Variants in FAM78B observed in about 807,000 individuals in gnomAD.
FAM78B encodes protein FAM78B.
FAM78B carries 10 observed loss-of-function variants against 20.0 expected under a neutral mutation model. That is an observed-to-expected ratio of 0.50 (90% CI 0.31 to 0.85). FAM78B has a LOEUF of 0.85. Ranked by LOEUF, FAM78B falls within the 40% of genes least tolerant of loss-of-function variation. The pLI is 0.05. For missense variants in FAM78B, 283 were observed against 345.0 expected, an observed-to-expected ratio of 0.82 and a Z score of 1.42; for synonymous variants, 135 against 132.8, an observed-to-expected ratio of 1.02 and a Z score of -0.12.
intron 1 of FAM78B, among the ~76,000 whole-genome samples, chr1:166,165,743 C>A (rs1400962729): frequency 6.6e-6 from 1 of 152,188 alleles, no homozygotes; most frequent in Non-Finnish European, 1.5e-5. Flanking sequence ...CCGCACCTTT[C>A]TCCTCGCGTT....
At chr1:166,155,205 T>C (rs1223344086) in intron 1 of FAM78B, among the ~76,000 whole-genome samples, 1 of 152,218 alleles carries the variant, frequency 6.6e-6, no homozygotes, top group Non-Finnish European at 1.5e-5. Context: ...TCAAGCAATA[T>C]CCTGAATACT....
chr1:166,141,677 C>T (rs1018797852), intron 1 of FAM78B, among the ~76,000 whole-genome samples: 9 of 152,142 alleles, frequency 5.9e-5, no homozygotes, highest in Admixed American at 3.9e-4. Context: ...ATGGGAGGTA[C>T]GTATCTATGT....
chr1:166,083,786 G>A (rs1226937623), intron 1 of FAM78B, among the ~76,000 whole-genome samples: 2 of 145,170 alleles, frequency 1.4e-5, no homozygotes, highest in African/African-American at 5.2e-5. Context: ...ACAGGCGTGA[G>A]CCACGCACCC....
At chr1:166,061,819 A>C (rs1046679538) in intron 2 of FAM78B, among the ~76,000 whole-genome samples, 6 of 152,108 alleles carry the variant, frequency 3.9e-5, no homozygotes, top group African/African-American at 1.5e-4. Flanking sequence ...TGACAGACAC[A>C]GCAGGGATAG....
rs1042602929 is a variant in FAM78B at position 166,166,687 on chromosome 1, TGCCTCCGCGGCGGCAGCAGCAGCAGCC to T, written c.-466_-440del. On this transcript the variant is annotated 5_prime_UTR_variant, in exon 1 of 2. Transcript: ENST00000354422. Reference sequence around the variant, plus strand: ...CGGCGGTGGCAGCGCCCGGTCTGTCTGCCTCCGCGGCGGCAGCAGCAGCAGCCGCCGCCGCCGCCGCCGCTGCATGAA... The same window carrying T: ...CGGCGGTGGCAGCGCCCGGTCTGTCTGCCGCCGCCGCCGCCGCTGCATGAA... The T allele has an allele frequency of 1.3e-5, 2 of 148,908 alleles. No individual in the cohort carries two copies. The highest frequency in any genetic ancestry group is 2.1e-4 in the South Asian group (1 of 4,738). 9.2% of individuals were successfully genotyped at this position (148,908 alleles called of 1,614,324 possible).
At chr1:166,125,240 GTC>G (rs762564636) in intron 1 of FAM78B, among the ~76,000 whole-genome samples, 27 of 152,104 alleles carry the variant, frequency 1.8e-4, no homozygotes, top group Non-Finnish European at 3.1e-4. Flanking sequence ...CGCCAGGCAG[GTC>G]TCTGACTCAC....
chr1:166,146,059 TG>T (rs1352275889), intron 1 of FAM78B, among the ~76,000 whole-genome samples: 1 of 152,188 alleles, frequency 6.6e-6, no homozygotes, highest in African/African-American at 2.4e-5. Flanking sequence ...GCAAAAGAAA[TG>T]TGAATGAGAG....
chr1:166,126,895 G>C (rs1393320341), intron 1 of FAM78B, among the ~76,000 whole-genome samples: 1 of 152,146 alleles, frequency 6.6e-6, no homozygotes, highest in Non-Finnish European at 1.5e-5. Context: ...GCATCCTAAC[G>C]CTAACACATG....
chr1:166,109,166 A>G (rs912876077), intron 1 of FAM78B, among the ~76,000 whole-genome samples: 1 of 152,212 alleles, frequency 6.6e-6, no homozygotes, highest in African/African-American at 2.4e-5. Flanking sequence ...GTTGAGACCT[A>G]ATTAAACTAA....
intron 1 of FAM78B, among the ~76,000 whole-genome samples, chr1:166,144,742 A>T (rs1363881939): frequency 6.6e-6 from 1 of 152,158 alleles, no homozygotes. Context: ...AAGGCAAAAA[A>T]TCTTCAGCTG....
chr1:166,090,872 T>TCAATGCACTTACACTCAA (rs1339435063), intron 1 of FAM78B, among the ~76,000 whole-genome samples: 1 of 152,236 alleles, frequency 6.6e-6, no homozygotes, highest in Non-Finnish European at 1.5e-5. Context: ...GGGCTTACTC[T>TCAATGCACTTACACTCAA]GTGCAGGTAT....
At chr1:166,064,265 C>T (rs1384188767) in intron 2 of FAM78B, among the ~76,000 whole-genome samples, 1 of 152,058 alleles carries the variant, frequency 6.6e-6, no homozygotes, top group Admixed American at 6.6e-5. Flanking sequence ...GAAATAACAC[C>T]GTTAAACTGT....
rs369391180 is a variant in FAM78B at position 166,121,532 on chromosome 1, T to C, written c.263+44454A>G. Among the ~76,000 whole-genome samples, 7 of 152,222 alleles carry C rather than the reference T, an allele frequency of 4.6e-5. No individual in the cohort carries two copies. In the South Asian group the frequency reaches 6.2e-4, roughly 14 times the overall value. ...TGGCCCTTCAGAGCTCCATACCCTG[T>C]GGAAAGGGACTTAAGAAAGGGCCAG... On this transcript the variant is annotated intron_variant, in intron 1 of 1. Transcript: ENST00000354422.
At chr1:166,159,375 G>C (rs1334323492) in intron 1 of FAM78B, among the ~76,000 whole-genome samples, 1 of 152,154 alleles carries the variant, frequency 6.6e-6, no homozygotes, top group African/African-American at 2.4e-5. Context: ...AGATCAGCAT[G>C]ACAATAGTAC....
intron 1 of FAM78B, among the ~76,000 whole-genome samples, chr1:166,098,821 G>C (rs1006911479): frequency 2.0e-5 from 3 of 152,118 alleles, no homozygotes; most frequent in Non-Finnish European, 2.9e-5. Context: ...CATATTTGGA[G>C]GAATAATCAA....
intron 1 of FAM78B, among the ~76,000 whole-genome samples, chr1:166,071,456 C>T (rs1652028219): frequency 6.6e-6 from 1 of 152,206 alleles, no homozygotes; most frequent in African/African-American, 2.4e-5. Context: ...AGCCTCACAG[C>T]TTAGTTTGGC....
At chr1:166,098,279 G>A (rs978557873) in intron 1 of FAM78B, among the ~76,000 whole-genome samples, 2 of 152,022 alleles carry the variant, frequency 1.3e-5, no homozygotes, top group Admixed American at 1.3e-4. Context: ...CAAATGAGAA[G>A]GAATCAGAAA....
At chr1:166,144,693 C>A (rs533725882) in intron 1 of FAM78B, among the ~76,000 whole-genome samples, 1 of 152,220 alleles carries the variant, frequency 6.6e-6, no homozygotes, top group South Asian at 2.1e-4. Context: ...CAAACCTCAG[C>A]TATTTTCTCC....
Position 166,070,039 on chromosome 1 carries a change from T to C in FAM78B, c.*202A>G. The C allele has an allele frequency of 8.0e-7, 1 of 1,255,634 alleles. No homozygotes were observed. Among genetic ancestry groups the C allele is most frequent in the African/African-American group, 1.5e-5 (1 of 65,668 alleles). The allele number at this position is 1,255,634 out of a possible 1,614,324, so 77.8% of individuals were successfully genotyped here. A position where few individuals can be genotyped will look rare whatever the true frequency, so the allele number is the denominator to read the frequency against. On this transcript the variant is annotated 3_prime_UTR_variant, in exon 2 of 2. Transcript: ENST00000354422. ...GTCTGTCAAATCAGTGATTTCTTTA[T>C]TCCTAAGAGGAAGGGATTTTTCCTA...
Sources: gnomAD v4.1 joint callset for allele counts (sites outside exome capture counted in the v4.1 genomes callset) on GRCh38, gnomAD v4.1.1 for gene constraint, MANE v1.5 for transcripts, NCBI Gene and HGNC (gene_info 2026-07-23, HGNC 2026-07-21) for gene names.